The following UVRAG variants were observed in gnomAD, a reference collection of about 807,000 sequenced individuals.
UVRAG encodes the protein UV radiation resistance-associated gene protein.
A neutral mutation model predicts 78.0 loss-of-function variants in UVRAG; 19 were observed. That is an observed-to-expected ratio of 0.24 (90% CI 0.17 to 0.36). The LOEUF (loss-of-function observed/expected upper bound fraction) is 0.36, where lower values mean the gene tolerates loss of function less well. Ranked by LOEUF, UVRAG falls within the 10% of genes least tolerant of loss-of-function variation. UVRAG has a pLI of 1.00. For missense variants in UVRAG, 740 were observed against 853.8 expected, an observed-to-expected ratio of 0.87 and a Z score of 1.66; for synonymous variants, 323 against 324.6, an observed-to-expected ratio of 1.00 and a Z score of 0.05.
intron 4 of UVRAG, among the ~76,000 whole-genome samples, chr11:75,882,827 AG>A (rs1946981779): frequency 6.6e-6 from 1 of 152,214 alleles, no homozygotes; most frequent in South Asian, 2.1e-4. Flanking sequence ...TATAGTGACC[AG>A]AACAGTGCAT....
chr11:76,134,397 G>A (rs953272445), intron 14 of UVRAG, among the ~76,000 whole-genome samples: 8 of 151,838 alleles, frequency 5.3e-5, no homozygotes, highest in African/African-American at 1.9e-4. Flanking sequence ...CCTAAGTGCT[G>A]GGACTACAGA....
chr11:75,933,269 C>T (rs1399938301), intron 6 of UVRAG, among the ~76,000 whole-genome samples: 1 of 152,122 alleles, frequency 6.6e-6, no homozygotes, highest in Non-Finnish European at 1.5e-5. Context: ...AGATCAGTCT[C>T]ATCAATAAAT....
chr11:75,892,818 T>G (rs985824789), intron 5 of UVRAG, among the ~76,000 whole-genome samples: 1 of 152,122 alleles, frequency 6.6e-6, no homozygotes, highest in Non-Finnish European at 1.5e-5. Context: ...ACATTGTAAG[T>G]GTACACTTTG....
At position 76,103,278 on chromosome 11, in the gene UVRAG, C is replaced by CA. The variant is rs1334935249; in HGVS notation, c.1306-12645dup. 2.6e-5 allele frequency among the ~76,000 whole-genome samples: 4 copies of CA among 152,220 alleles called. No homozygotes were observed. The East Asian group carries it at 7.7e-4, about 29-fold the overall frequency. ...GGAATTAACACGAGGGGGTGAAGGT[C>CA]ATGGGGGCCATCTTAAAATTCTGCC... is the stretch of plus-strand genomic sequence containing the variant. On this transcript the variant is annotated intron_variant, in intron 13 of 14. Transcript: ENST00000356136.
intron 7 of UVRAG, among the ~76,000 whole-genome samples, chr11:75,973,819 C>A (rs1157892006): frequency 2.0e-5 from 3 of 152,142 alleles, no homozygotes; most frequent in Non-Finnish European, 2.9e-5. Context: ...GGTTTTCTGT[C>A]CTTGCGATAG....
intron 12 of UVRAG, among the ~76,000 whole-genome samples, chr11:76,044,503 G>A (rs957302118): frequency 2.6e-5 from 4 of 152,216 alleles, no homozygotes; most frequent in Non-Finnish European, 5.9e-5. Context: ...CAGGCGCCGC[G>A]GCTCACGGCT....
chr11:76,036,477 G>T (rs184225982), intron 12 of UVRAG, among the ~76,000 whole-genome samples: 1 of 152,210 alleles, frequency 6.6e-6, no homozygotes, highest in African/African-American at 2.4e-5. Flanking sequence ...GGTCAAGGCT[G>T]CAGTGAGCCA....
At chr11:76,050,292 C>A (rs765918937) in intron 12 of UVRAG, among the ~76,000 whole-genome samples, 4 of 152,154 alleles carry the variant, frequency 2.6e-5, no homozygotes, top group Admixed American at 2.6e-4. Flanking sequence ...TAAGAACATA[C>A]CTGAATCTTG....
At chr11:76,086,172 T>C (rs1215227734) in intron 13 of UVRAG, among the ~76,000 whole-genome samples, 1 of 152,236 alleles carries the variant, frequency 6.6e-6, no homozygotes, top group African/African-American at 2.4e-5. Context: ...ATAAGACATA[T>C]TTTTGAACCA....
rs1390441974 is a variant in UVRAG at position 75,975,985 on chromosome 11, A to G, written c.700-7402A>G. Among the ~76,000 whole-genome samples the G allele has an allele frequency of 2.6e-5, 4 of 152,180 alleles. No homozygotes were observed. The East Asian group carries it at 7.7e-4, about 29-fold the overall frequency. On this transcript the variant is annotated intron_variant, in intron 7 of 14. Coordinates refer to ENST00000356136, the MANE Select transcript of UVRAG (RefSeq NM_003369.4). ...TGGTTCCAGTTTTTGTCCATTCAGT[A>G]TGATATTGGCTGTGGGTTTGTCATA...
intron 8 of UVRAG, among the ~76,000 whole-genome samples, chr11:75,988,494 T>A (rs1949543555): frequency 6.6e-6 from 1 of 152,246 alleles, no homozygotes; most frequent in South Asian, 2.1e-4. Flanking sequence ...ACAACTTGTT[T>A]ATACATTTAC....
chr11:76,080,805 C>G (rs1951480852), intron 13 of UVRAG, among the ~76,000 whole-genome samples: 1 of 152,126 alleles, frequency 6.6e-6, no homozygotes, highest in African/African-American at 2.4e-5. Context: ...TTGTAAAACA[C>G]AGCTATATTC....
intron 1 of UVRAG, among the ~76,000 whole-genome samples, chr11:75,821,060 A>C (rs897317986): frequency 6.6e-6 from 1 of 152,244 alleles, no homozygotes; most frequent in African/African-American, 2.4e-5. Context: ...ACATCATCCC[A>C]AACAGAAAAC....
chr11:75,878,200 A>T (rs1050936094), intron 3 of UVRAG, among the ~76,000 whole-genome samples: 1 of 149,910 alleles, frequency 6.7e-6, no homozygotes, highest in Non-Finnish European at 1.5e-5. Flanking sequence ...GGCCGGGCAG[A>T]GGCGCTCCTT....
Position 76,143,855 on chromosome 11 carries a change from T to G in UVRAG, c.*2442T>G, listed in dbSNP as rs1224473402. Among the ~76,000 whole-genome samples the G allele has an allele frequency of 2.6e-5, 4 of 152,262 alleles. No individual in the cohort carries two copies. The highest frequency in any genetic ancestry group is 1.9e-4 in the East Asian group (1 of 5,204). On this transcript the variant is annotated 3_prime_UTR_variant, in exon 15 of 15. Coordinates refer to ENST00000356136, the MANE Select transcript of UVRAG (RefSeq NM_003369.4). ...AAGAAAATTGTTTGCTTGGAAGATA[T>G]AAGTTGAATTGGAAACTCATTACTA...
At chr11:75,945,895 C>T (rs1169255615) in intron 6 of UVRAG, among the ~76,000 whole-genome samples, 1 of 152,000 alleles carries the variant, frequency 6.6e-6, no homozygotes, top group Non-Finnish European at 1.5e-5. Flanking sequence ...GTGTTTACCC[C>T]CTCCAAGAAG....
chr11:75,873,058 C>T (rs758741750), intron 3 of UVRAG, among the ~76,000 whole-genome samples: 161 of 152,306 alleles, frequency 1.1e-3, no homozygotes, highest in Admixed American at 1.5e-3. Context: ...TAACCACTCA[C>T]AGGTTCCTAT....
chr11:76,104,364 G>C (rs1031757447), intron 13 of UVRAG, among the ~76,000 whole-genome samples: 4 of 152,178 alleles, frequency 2.6e-5, no homozygotes, highest in Non-Finnish European at 5.9e-5. Flanking sequence ...AGAATTCAAA[G>C]TGCCTGAATT....
At chr11:75,954,215 C>T (rs1431080444) in intron 6 of UVRAG, among the ~76,000 whole-genome samples, 1 of 152,140 alleles carries the variant, frequency 6.6e-6, no homozygotes, top group Non-Finnish European at 1.5e-5. Flanking sequence ...GGAAATGTGA[C>T]TCTGTCTGTG....
Sources: gnomAD v4.1 joint callset for allele counts (sites outside exome capture counted in the v4.1 genomes callset) on GRCh38, gnomAD v4.1.1 for gene constraint, MANE v1.5 for transcripts, NCBI Gene and HGNC (gene_info 2026-07-23, HGNC 2026-07-21) for gene names.